The following NKAIN3 variants were observed in gnomAD, a reference collection of about 807,000 sequenced individuals.
NKAIN3 encodes sodium/potassium transporting ATPase interacting 3.
Under a neutral mutation model 30.2 loss-of-function variants are expected in NKAIN3, and 25 were observed. The ratio of observed to expected loss-of-function variants is 0.83; its 90% CI spans 0.60 to 1.16. The LOEUF (loss-of-function observed/expected upper bound fraction) is 1.16. Ranked by LOEUF, NKAIN3 falls within the 50% of genes most tolerant of loss-of-function variation. The pLI, the probability that NKAIN3 is intolerant of heterozygous loss-of-function variation, is 0.00. For synonymous variants in NKAIN3, 91 were observed against 89.6 expected (o/e 1.02, Z -0.09); for missense variants, 225 against 254.1 (o/e 0.89, Z 0.78).
chr8:62,445,583 G>A (rs1173401373), intron 1 of NKAIN3, among the ~76,000 whole-genome samples: 2 of 152,108 alleles, frequency 1.3e-5, no homozygotes, highest in Non-Finnish European at 2.9e-5. Flanking sequence ...GTGAGAAGGT[G>A]AAATACAAGT....
intron 1 of NKAIN3, among the ~76,000 whole-genome samples, chr8:62,410,880 C>A (rs2129595853): frequency 6.6e-6 from 1 of 151,950 alleles, no homozygotes; most frequent in South Asian, 2.1e-4. Context: ...AACAAAACAA[C>A]AACAACAAAA....
At chr8:62,752,269 C>A (rs562800758) in intron 4 of NKAIN3, among the ~76,000 whole-genome samples, 4 of 152,252 alleles carry the variant, frequency 2.6e-5, no homozygotes, top group African/African-American at 9.6e-5. Flanking sequence ...TTTCACATTG[C>A]TATTACTAAT....
chr8:62,693,230 A>G (rs1814039446), intron 3 of NKAIN3, among the ~76,000 whole-genome samples: 1 of 152,192 alleles, frequency 6.6e-6, no homozygotes, highest in Non-Finnish European at 1.5e-5. Context: ...GGTTTTACTG[A>G]TGTCTTAATG....
intron 2 of NKAIN3, among the ~76,000 whole-genome samples, chr8:62,582,039 T>C (rs827686): frequency 2.4e-4 from 16 of 66,688 alleles, no homozygotes; most frequent in African/African-American, 7.8e-4. Flanking sequence ...CTCCCACCCA[T>C]CCTCACTCCC....
At chr8:62,881,178 C>T (rs1820968361) in intron 4 of NKAIN3, among the ~76,000 whole-genome samples, 2 of 152,188 alleles carry the variant, frequency 1.3e-5, no homozygotes, top group Admixed American at 1.3e-4. Flanking sequence ...TCACTCTTGA[C>T]ACTGTACATT....
intron 4 of NKAIN3, among the ~76,000 whole-genome samples, chr8:62,854,137 A>G (rs1311995666): frequency 6.6e-6 from 1 of 152,178 alleles, no homozygotes; most frequent in Non-Finnish European, 1.5e-5. Flanking sequence ...TCAATTTTAG[A>G]GTAAGTTCCA....
chr8:62,977,087 C>T lies in NKAIN3; in HGVS notation c.*11680C>T, dbSNP rs1823958962. ...TGATGGGCTTCCCTTTGTAGGTAAC[C>T]CAACTTTTCTCTCTGGCTGCCCTTA... On this transcript the variant is annotated 3_prime_UTR_variant, in exon 7 of 7. Transcript: ENST00000623646. 6.6e-6 allele frequency among the ~76,000 whole-genome samples: 1 copy of T among 152,136 alleles called. No homozygotes were observed. Among genetic ancestry groups the T allele is most frequent in the African/African-American group, 2.4e-5 (1 of 41,432 alleles).
intron 3 of NKAIN3, among the ~76,000 whole-genome samples, chr8:62,649,258 C>G (rs1812556200): frequency 6.6e-6 from 1 of 152,148 alleles, no homozygotes; most frequent in East Asian, 1.9e-4. Context: ...CTGTGGGAAA[C>G]CATGCCTTGC....
At chr8:62,996,009 T>C (rs1420583577) in intron 5 of NKAIN3, among the ~76,000 whole-genome samples, 1 of 152,206 alleles carries the variant, frequency 6.6e-6, no homozygotes, top group East Asian at 1.9e-4. Context: ...GAACCACTGG[T>C]CCACACCTTC....
intron 4 of NKAIN3, among the ~76,000 whole-genome samples, chr8:62,892,000 G>A (rs1821310600): frequency 1.3e-5 from 2 of 152,148 alleles, no homozygotes; most frequent in African/African-American, 4.8e-5. Flanking sequence ...GCTATTTGTA[G>A]GATTAGAATT....
chr8:62,412,305 AAAAC>A (rs1167113037), intron 1 of NKAIN3, among the ~76,000 whole-genome samples: 5 of 127,888 alleles, frequency 3.9e-5, no homozygotes, highest in African/African-American at 1.0e-4. Flanking sequence ...CTGACAAACA[AAAAC>A]AAACAAACAA....
At position 62,533,417 on chromosome 8, in the gene NKAIN3, C is replaced by T. The variant is rs189887165; in HGVS notation, c.55-46122C>T. Among the ~76,000 whole-genome samples the T allele has an allele frequency of 1.1e-3, 174 of 152,334 alleles. 1 individual carries two copies. The highest frequency in any genetic ancestry group is 2.2e-3 in the Non-Finnish European group (147 of 68,034). On this transcript the variant is annotated intron_variant, in intron 1 of 6. Coordinates refer to ENST00000623646, the MANE Select transcript of NKAIN3 (RefSeq NM_001304533.3). ...TGTGTGGTGACACCAAAAAGGAAGT[C>T]TCCTAAATGTATAGTTTCGCCTGAA...
At chr8:62,376,347 C>A (rs918660997) in intron 1 of NKAIN3, among the ~76,000 whole-genome samples, 2 of 152,176 alleles carry the variant, frequency 1.3e-5, no homozygotes, top group Admixed American at 1.3e-4. Flanking sequence ...CTTTCCTTGC[C>A]TTAATCTTGA....
intron 1 of NKAIN3, among the ~76,000 whole-genome samples, chr8:62,357,927 A>G (rs1330162047): frequency 1.3e-5 from 2 of 152,204 alleles, no homozygotes; most frequent in Non-Finnish European, 2.9e-5. Flanking sequence ...TCTCTTTGAC[A>G]CATGTAGATG....
At chr8:62,916,042 T>C (rs1822090986) in intron 4 of NKAIN3, among the ~76,000 whole-genome samples, 1 of 152,190 alleles carries the variant, frequency 6.6e-6, no homozygotes, top group Non-Finnish European at 1.5e-5. Flanking sequence ...AGTGGAACTC[T>C]CCTATGGTAT....
chr8:62,844,811 C>T (rs960362159), intron 4 of NKAIN3, among the ~76,000 whole-genome samples: 5 of 152,036 alleles, frequency 3.3e-5, no homozygotes, highest in African/African-American at 1.2e-4. Context: ...CATTTGGGCT[C>T]CCATAAATGC....
At chr8:62,445,549 C>T (rs1018545391) in intron 1 of NKAIN3, among the ~76,000 whole-genome samples, 4 of 152,070 alleles carry the variant, frequency 2.6e-5, no homozygotes, top group Admixed American at 1.3e-4. Flanking sequence ...CTGTTTACTT[C>T]TTATATTATA....
chr8:62,383,326 T>C (rs1321182169), intron 1 of NKAIN3, among the ~76,000 whole-genome samples: 1 of 152,124 alleles, frequency 6.6e-6, no homozygotes, highest in Non-Finnish European at 1.5e-5. Flanking sequence ...GGCTTGGAGT[T>C]AACAGCTTTA....
chr8:62,635,601 A>G (rs1468459729), intron 3 of NKAIN3, among the ~76,000 whole-genome samples: 1 of 152,114 alleles, frequency 6.6e-6, no homozygotes, highest in Non-Finnish European at 1.5e-5. Flanking sequence ...TTGGAAGGTG[A>G]TCAGGATTAG....
Sources: gnomAD v4.1 joint callset for allele counts (sites outside exome capture counted in the v4.1 genomes callset) on GRCh38, gnomAD v4.1.1 for gene constraint, MANE v1.5 for transcripts, NCBI Gene and HGNC (gene_info 2026-07-23, HGNC 2026-07-21) for gene names.